The following NAALADL2 variants were observed in gnomAD, a reference collection of about 807,000 sequenced individuals.
NAALADL2 encodes inactive N-acetylated-alpha-linked acidic dipeptidase-like protein 2.
Under a neutral mutation model 87.2 loss-of-function variants are expected in NAALADL2, and 76 were observed. That is an observed-to-expected ratio of 0.87 (90% CI 0.72 to 1.05). NAALADL2 has a LOEUF of 1.05. NAALADL2 is among the 50% of genes least tolerant of loss of function. The probability of loss-of-function intolerance (pLI) is 0.00; values close to 1 mark genes in which losing one functional copy is unlikely to be tolerated. For missense variants in NAALADL2, 1,089 were observed against 945.8 expected (o/e 1.15, Z -1.99); for synonymous variants, 354 against 331.0 (o/e 1.07, Z -0.75).
intron 1 of NAALADL2, among the ~76,000 whole-genome samples, chr3:174,490,114 A>C (rs975525135): frequency 6.6e-6 from 1 of 152,160 alleles, no homozygotes; most frequent in African/African-American, 2.4e-5. Context: ...CATTCATAGC[A>C]GCATTATTAA....
At chr3:175,170,302 A>T (rs1346854133) in intron 2 of NAALADL2, among the ~76,000 whole-genome samples, 1 of 151,338 alleles carries the variant, frequency 6.6e-6, no homozygotes, top group Non-Finnish European at 1.5e-5. Context: ...TTAAATTTTT[A>T]AAATAAATTC....
intron 6 of NAALADL2, among the ~76,000 whole-genome samples, chr3:175,450,026 G>A (rs945955597): frequency 6.6e-6 from 1 of 151,924 alleles, no homozygotes; most frequent in African/African-American, 2.4e-5. Flanking sequence ...AATACTGATT[G>A]AACAGTCTCA....
At chr3:174,585,488 C>T (rs1716604807) in intron 2 of NAALADL2, among the ~76,000 whole-genome samples, 2 of 152,114 alleles carry the variant, frequency 1.3e-5, no homozygotes, top group African/African-American at 4.8e-5. Flanking sequence ...TGTAAGATAT[C>T]AAGGTTCAGA....
chr3:174,996,898 C>T (rs974982606), intron 1 of NAALADL2, among the ~76,000 whole-genome samples: 3 of 151,686 alleles, frequency 2.0e-5, no homozygotes, highest in South Asian at 2.1e-4. Context: ...TTTGGTTTTC[C>T]ATTCATGAGC....
upstream of NAALADL2, chr3:174,859,309 T>G: frequency 1.2e-6 from 1 of 856,336 alleles, no homozygotes; most frequent in Non-Finnish European, 1.9e-6. Context: ...GGTAGTATAC[T>G]GTTACAATAC....
At chr3:175,371,390 C>G (rs1256615253) in intron 5 of NAALADL2, among the ~76,000 whole-genome samples, 2 of 152,034 alleles carry the variant, frequency 1.3e-5, no homozygotes, top group African/African-American at 4.8e-5. Context: ...GCCTCAGCCT[C>G]CTGAGTAGCT....
chr3:175,047,985 C>A (rs1580181743), intron 1 of NAALADL2, among the ~76,000 whole-genome samples: 1 of 152,142 alleles, frequency 6.6e-6, no homozygotes. Flanking sequence ...AATTTCATAG[C>A]CATGTTGTCA....
intron 2 of NAALADL2, among the ~76,000 whole-genome samples, chr3:175,142,825 A>T (rs1730197157): frequency 6.6e-6 from 1 of 151,930 alleles, no homozygotes; most frequent in South Asian, 2.1e-4. Context: ...TAACTTGTCA[A>T]ACTCTATTTG....
chr3:174,611,306 A>T (rs1488263635), intron 2 of NAALADL2, among the ~76,000 whole-genome samples: 2 of 152,140 alleles, frequency 1.3e-5, no homozygotes, highest in Non-Finnish European at 2.9e-5. Flanking sequence ...CCTAAAACTT[A>T]AAGTATAATA....
intron 2 of NAALADL2, among the ~76,000 whole-genome samples, chr3:174,673,769 T>C (rs1206323380): frequency 1.3e-5 from 2 of 151,982 alleles, no homozygotes; most frequent in Non-Finnish European, 2.9e-5. Flanking sequence ...AAAAACAGTA[T>C]ACTCTATATT....
intron 3 of NAALADL2, among the ~76,000 whole-genome samples, chr3:174,797,214 G>A (rs1011115705): frequency 6.6e-6 from 1 of 150,944 alleles, no homozygotes; most frequent in African/African-American, 2.4e-5. Flanking sequence ...TGAAAAGAGT[G>A]TCATTTCCCC....
intron 2 of NAALADL2, among the ~76,000 whole-genome samples, chr3:175,144,985 A>T (rs1179825498): frequency 6.6e-6 from 1 of 151,908 alleles, no homozygotes; most frequent in Admixed American, 6.6e-5. Flanking sequence ...AATCAAAAAC[A>T]TTCCATTTCT....
Position 174,705,543 on chromosome 3 carries a change from G to C in NAALADL2, c.-114-32098G>C, listed in dbSNP as rs9813463. 5.8e-3 allele frequency among the ~76,000 whole-genome samples: 880 copies of C among 152,258 alleles called. 5 individuals carry two copies. Among genetic ancestry groups the C allele is most frequent in the African/African-American group, 0.02 (820 of 41,558 alleles). ...CTCACGCCTGTAATCCCAGCACTTT[G>C]GGAGGCCGAGGCGGGTGGATCACGA... On this transcript the variant is annotated intron_variant, in intron 2 of 3. Coordinates refer to the NAALADL2 transcript ENST00000434257.
At chr3:175,470,266 G>A (rs773528726) in intron 8 of NAALADL2, among the ~76,000 whole-genome samples, 4 of 152,014 alleles carry the variant, frequency 2.6e-5, no homozygotes, top group African/African-American at 7.2e-5. Flanking sequence ...GGAGAAAATG[G>A]TCAACTTCTA....
At chr3:175,736,658 C>CAA (rs1744542976) in intron 11 of NAALADL2, among the ~76,000 whole-genome samples, 1 of 152,250 alleles carries the variant, frequency 6.6e-6, no homozygotes, top group South Asian at 2.1e-4. Flanking sequence ...GCAAAACTTC[C>CAA]TGATTCTGAA....
chr3:175,436,309 A>G (rs1393971649), intron 5 of NAALADL2, among the ~76,000 whole-genome samples: 2 of 148,996 alleles, frequency 1.3e-5, no homozygotes, highest in East Asian at 4.1e-4. Context: ...CGCAATAAAC[A>G]TACGTGTGCA....
At chr3:175,772,939 G>A (rs190268776) in intron 13 of NAALADL2, among the ~76,000 whole-genome samples, 1 of 152,048 alleles carries the variant, frequency 6.6e-6, no homozygotes. Flanking sequence ...AACAATAACT[G>A]CCAAAAAGGT....
rs995139219 is a variant in NAALADL2 at position 174,569,014 on chromosome 3, A to G, written c.-115+18377A>G. 2.0e-5 allele frequency among the ~76,000 whole-genome samples: 3 copies of G among 151,578 alleles called. No individual in the cohort carries two copies. In the East Asian group the frequency reaches 5.8e-4, roughly 29 times the overall value. On this transcript the variant is annotated intron_variant, in intron 2 of 3. Coordinates refer to the NAALADL2 transcript ENST00000434257. ...CCAATGCATGCTATACCTTCTCAAT[A>G]TATATATGATTATATTGTATCTCTA...
chr3:175,197,022 A>AT (rs1418054957), intron 2 of NAALADL2, among the ~76,000 whole-genome samples: 4 of 151,924 alleles, frequency 2.6e-5, no homozygotes, highest in South Asian at 2.1e-4. Flanking sequence ...ATAAGGGGTC[A>AT]TTTTTTTACT....
Sources: gnomAD v4.1 joint callset for allele counts (sites outside exome capture counted in the v4.1 genomes callset) on GRCh38, gnomAD v4.1.1 for gene constraint, MANE v1.5 for transcripts, NCBI Gene and HGNC (gene_info 2026-07-23, HGNC 2026-07-21) for gene names.